Variants in SLC25A13 observed in about 807,000 individuals in gnomAD.
The protein encoded by SLC25A13 is electrogenic aspartate/glutamate antiporter SLC25A13, mitochondrial.
Under a neutral mutation model 85.5 loss-of-function variants are expected in SLC25A13, and 70 were observed. The observed-to-expected ratio is 0.82, with a 90% confidence interval of 0.68 to 1.00. The LOEUF (loss-of-function observed/expected upper bound fraction) is 1.00, where lower values mean the gene tolerates loss of function less well. Among genes scored for constraint, SLC25A13 ranks in the 50% least tolerant of loss-of-function variants. The pLI is 0.00. For synonymous variants in SLC25A13, 259 were observed against 288.7 expected (o/e 0.90, Z 1.04); for missense variants, 765 against 819.8 (o/e 0.93, Z 0.82).
intron 3 of SLC25A13, among the ~76,000 whole-genome samples, chr7:96,267,631 T>C (rs573070615): frequency 5.9e-5 from 9 of 152,004 alleles, no homozygotes; most frequent in Admixed American, 4.6e-4. Context: ...CTGACCAACA[T>C]GGGGAGACCC....
chr7:96,191,084 A>T, intron 7 of SLC25A13, 25 bp downstream of exon 7: 2 of 1,613,342 alleles, frequency 1.2e-6, no homozygotes, highest in Non-Finnish European at 1.7e-6. Context: ...CTTGCAGGCT[A>T]GAATTCAGAT....
At chr7:96,221,799 C>A (rs1796140045) in intron 4 of SLC25A13, among the ~76,000 whole-genome samples, 1 of 152,168 alleles carries the variant, frequency 6.6e-6, no homozygotes, top group Admixed American at 6.5e-5. Flanking sequence ...TCTAGCCTAC[C>A]CATTTTCCCA....
In SLC25A13 at chr7:96,201,969, C is replaced by T. The variant is rs184851033; in HGVS notation, c.468+6869G>A. ...CTTGTAGAGGGACATTGGCAACTACCGTCACCCGGGAGCAGCAGACTTCTA... is the reference window on the plus strand; with the variant it reads ...CTTGTAGAGGGACATTGGCAACTACTGTCACCCGGGAGCAGCAGACTTCTA... On this transcript the variant is annotated intron_variant, in intron 5 of 17. Transcript: ENST00000265631. 5.5e-4 allele frequency among the ~76,000 whole-genome samples: 83 copies of T among 152,168 alleles called. 3 individuals are homozygous for T. The East Asian group carries it at 0.015, about 28-fold the overall frequency.
intron 1 of SLC25A13, among the ~76,000 whole-genome samples, chr7:96,308,154 CAAAAAAA>C (rs757439839): frequency 2.5e-5 from 2 of 81,472 alleles, no homozygotes; most frequent in East Asian, 3.5e-4. Flanking sequence ...ACTCCATCTC[CAAAAAAA>C]AAAAAAAAAA....
At chr7:96,297,918 C>T (rs569928216) in intron 1 of SLC25A13, among the ~76,000 whole-genome samples, 27 of 152,262 alleles carry the variant, frequency 1.8e-4, no homozygotes, top group Admixed American at 5.9e-4. Flanking sequence ...CTGCAGGCCA[C>T]AAAGTCCAAA....
intron 11 of SLC25A13, among the ~76,000 whole-genome samples, chr7:96,174,162 G>A (rs924130895): frequency 6.6e-5 from 10 of 152,186 alleles, no homozygotes; most frequent in African/African-American, 2.2e-4. Context: ...TCCCACTGAG[G>A]CCAGCCTCCA....
chr7:96,122,708 T>G (rs990136149), intron 15 of SLC25A13, among the ~76,000 whole-genome samples: 9 of 152,072 alleles, frequency 5.9e-5, no homozygotes, highest in African/African-American at 2.2e-4. Flanking sequence ...TGGCTGATAA[T>G]CAATGAAAAA....
chr7:96,313,929 G>GA (rs1562925815), intron 1 of SLC25A13, among the ~76,000 whole-genome samples: 2 of 152,128 alleles, frequency 1.3e-5, no homozygotes, highest in African/African-American at 4.8e-5. Flanking sequence ...ACAGGGAAGG[G>GA]AAAAACACTA....
intron 4 of SLC25A13, among the ~76,000 whole-genome samples, chr7:96,216,415 T>C (rs1183042375): frequency 3.9e-5 from 6 of 152,102 alleles, no homozygotes; most frequent in Admixed American, 3.9e-4. Context: ...TCCAAAGGCA[T>C]ATACATCATT....
At chr7:96,310,843 T>A (rs1799922699) in intron 1 of SLC25A13, among the ~76,000 whole-genome samples, 2 of 152,206 alleles carry the variant, frequency 1.3e-5, no homozygotes, top group African/African-American at 4.8e-5. Context: ...TGTGTTACAA[T>A]CCCTTTCCAA....
intron 1 of SLC25A13, among the ~76,000 whole-genome samples, chr7:96,311,504 T>A (rs1320218372): frequency 6.6e-6 from 1 of 151,804 alleles, no homozygotes; most frequent in Non-Finnish European, 1.5e-5. Flanking sequence ...ACGACCCAAT[T>A]CCCTCATCAA....
intron 3 of SLC25A13, among the ~76,000 whole-genome samples, chr7:96,240,391 G>C (rs1416986186): frequency 1.3e-5 from 2 of 152,130 alleles, no homozygotes; most frequent in East Asian, 3.9e-4. Context: ...TGCGGGAGGA[G>C]AGTCCACCAG....
rs548769905 is a variant in SLC25A13, at chr7:96,121,952, G to C, written c.1637C>G (p.Thr546Arg). 2.9e-5 allele frequency: 47 copies of C among 1,613,932 alleles called. No individual in the cohort carries two copies. The highest frequency in any genetic ancestry group is 4.0e-5 in the Non-Finnish European group (47 of 1,180,042). ...AGCCCGGGCAGCCACCTGTAATCTC[G>C]TCTTGATAACATCAGCAGGGGTCAC... ...SLVTPADVIKTRLQVAARAGQ... is the reference protein window; with the variant it reads ...SLVTPADVIKRRLQVAARAGQ... The change falls in exon 16 of 18, where the codon ACG becomes AGG. Residue 546 changes from threonine to arginine, a missense_variant. Coordinates refer to ENST00000265631, the MANE Select transcript of SLC25A13 (RefSeq NM_014251.3).
chr7:96,263,767 A>G (rs1239669071), intron 3 of SLC25A13, among the ~76,000 whole-genome samples: 1 of 151,968 alleles, frequency 6.6e-6, no homozygotes, highest in Non-Finnish European at 1.5e-5. Context: ...ACATTAACTC[A>G]TCTCCTCCGA....
chr7:96,127,250 T>C (rs1791766807), intron 15 of SLC25A13, among the ~76,000 whole-genome samples: 1 of 152,198 alleles, frequency 6.6e-6, no homozygotes, highest in South Asian at 2.1e-4. Flanking sequence ...CCATGTTAAT[T>C]ATAGATAATT....
chr7:96,177,686 G>T (rs949222352), intron 11 of SLC25A13, among the ~76,000 whole-genome samples: 1 of 152,074 alleles, frequency 6.6e-6, no homozygotes, highest in African/African-American at 2.4e-5. Context: ...CTACAGAAAT[G>T]GATTTTTGTT....
intron 13 of SLC25A13, among the ~76,000 whole-genome samples, chr7:96,155,756 C>CACGT (rs1176191744): frequency 2.0e-5 from 3 of 152,224 alleles, no homozygotes; most frequent in African/African-American, 7.2e-5. Context: ...AAGAGCCAGA[C>CACGT]ACGTGTCAAG....
At chr7:96,273,295 T>C (rs1208496842) in intron 3 of SLC25A13, among the ~76,000 whole-genome samples, 1 of 152,014 alleles carries the variant, frequency 6.6e-6, no homozygotes, top group African/African-American at 2.4e-5. Context: ...CATAACTAAC[T>C]GCAGTATAAT....
At chr7:96,132,373 T>C (rs1488764215) in intron 14 of SLC25A13, among the ~76,000 whole-genome samples, 4 of 152,194 alleles carry the variant, frequency 2.6e-5, no homozygotes, top group Non-Finnish European at 5.9e-5. Flanking sequence ...TACACATACA[T>C]AAAAAATTAT....
Sources: allele counts gnomAD v4.1 joint callset (sites outside exome capture counted in the v4.1 genomes callset), GRCh38; gene constraint gnomAD v4.1.1; transcripts MANE v1.5; gene names NCBI Gene and HGNC (gene_info 2026-07-23, HGNC 2026-07-21).